Variants in SCN10A observed in about 807,000 individuals in gnomAD.
The protein encoded by SCN10A is sodium voltage-gated channel alpha subunit 10, also known as sodium channel protein type 10 subunit alpha.
In SCN10A, 162 loss-of-function variants were observed where a neutral mutation model predicts 170.7. The observed-to-expected ratio is 0.95, with a 90% CI of 0.84 to 1.08. SCN10A has a LOEUF of 1.08. SCN10A is among the 50% of genes least tolerant of loss of function. The pLI, the probability that SCN10A is intolerant of heterozygous loss-of-function variation, is 0.00. For synonymous variants in SCN10A, 985 were observed against 904.6 expected (o/e 1.09, Z -1.59); for missense variants, 2,527 against 2,436.9 (o/e 1.04, Z -0.78).
intron 1 of SCN10A, among the ~76,000 whole-genome samples, chr3:38,808,640 C>G (rs909060700): frequency 6.6e-6 from 1 of 152,168 alleles, no homozygotes; most frequent in African/African-American, 2.4e-5. Flanking sequence ...CATGAATGTG[C>G]ACTGTGACTG....
chr3:38,790,916 G>A (rs956456532), intron 3 of SCN10A, among the ~76,000 whole-genome samples: 32 of 152,112 alleles, frequency 2.1e-4, no homozygotes, highest in African/African-American at 7.7e-4. Context: ...ATTCAGCTCA[G>A]AAAACGTAAT....
intron 3 of SCN10A, among the ~76,000 whole-genome samples, chr3:38,789,791 G>A (rs930582660): frequency 5.3e-5 from 8 of 152,126 alleles, no homozygotes; most frequent in African/African-American, 1.9e-4. Context: ...TGAAAGGAAG[G>A]TGGGTGGAAG....
At chr3:38,732,327 C>T (rs369177599) in intron 15 of SCN10A, among the ~76,000 whole-genome samples, 5 of 152,228 alleles carry the variant, frequency 3.3e-5, no homozygotes, top group African/African-American at 1.2e-4. Flanking sequence ...TTTTTCTTTC[C>T]CTTTCATGTT....
intron 4 of SCN10A, among the ~76,000 whole-genome samples, chr3:38,772,718 CAACAACAAAAA>C (rs1367790479): frequency 4.0e-3 from 304 of 76,610 alleles, no homozygotes; most frequent in African/African-American, 0.013. Flanking sequence ...GCAACAACAA[CAACAACAAAAA>C]CAAAAACAAA....
chr3:38,704,041 T>C (rs2063184108), intron 26 of SCN10A, among the ~76,000 whole-genome samples: 1 of 152,168 alleles, frequency 6.6e-6, no homozygotes, highest in African/African-American at 2.4e-5. Context: ...GTACCAAGGG[T>C]ACATACTGAA....
chr3:38,708,358 C>T (rs1407365977), intron 25 of SCN10A, among the ~76,000 whole-genome samples: 1 of 152,114 alleles, frequency 6.6e-6, no homozygotes, highest in Non-Finnish European at 1.5e-5. Flanking sequence ...ATATCTCCCT[C>T]TGTAATCTGT....
chr3:38,725,136 C>G, intron 18 of SCN10A, 38 bp downstream of exon 18: 4 of 1,534,256 alleles, frequency 2.6e-6, no homozygotes, highest in Non-Finnish European at 3.6e-6. Context: ...CAGTGTCTGG[C>G]TGGCTGTCCA....
intron 2 of SCN10A, 135 bp downstream of exon 2, chr3:38,793,605 TA>T (rs1317355041): frequency 1.2e-4 from 87 of 712,930 alleles, no homozygotes; most frequent in Middle Eastern, 4.1e-4. Context: ...TATATATATA[TA>T]TTTTTTTTGG....
rs1414224252 is a variant in SCN10A, at chr3:38,697,258, C to T, written c.*91G>A. ...TGACCAGTGGCATGCATTGGTGAGG[C>T]TGTAGCTGGGTGTGATCTGCAATGG... On this transcript the variant is annotated 3_prime_UTR_variant, in exon 28 of 28. Coordinates refer to ENST00000449082, the MANE Select transcript of SCN10A (RefSeq NM_006514.4). 2 of 1,544,956 alleles carry T rather than the reference C, an allele frequency of 1.3e-6. No individual in the cohort carries two copies. The highest frequency in any genetic ancestry group is 1.7e-6 in the Non-Finnish European group (2 of 1,146,914).
At position 38,779,568 on chromosome 3, in the gene SCN10A, A is replaced by T. The variant is rs568953105; in HGVS notation, c.471-8161T>A. 9.9e-5 allele frequency among the ~76,000 whole-genome samples: 15 copies of T among 151,762 alleles called. No homozygotes were observed. In the South Asian group the frequency reaches 3.1e-3, roughly 32 times the overall value. Reference sequence around the variant, plus strand: ...TATTAACTTCTTTCTTTCATTTGTTATCCTTTTTCTAGTTTTGTTAGGTCT... The same window carrying T: ...TATTAACTTCTTTCTTTCATTTGTTTTCCTTTTTCTAGTTTTGTTAGGTCT... On this transcript the variant is annotated intron_variant, in intron 4 of 27. Transcript: ENST00000449082.
chr3:38,742,562 G>T (rs1207279104), intron 13 of SCN10A, 33 bp from the exon 14 acceptor site: 9 of 1,560,530 alleles, frequency 5.8e-6, no homozygotes, highest in Non-Finnish European at 7.1e-6. Flanking sequence ...ACAGCTGTCA[G>T]CCATGTGTCA....
At chr3:38,726,515 G>T in intron 17 of SCN10A, 91 bp downstream of exon 17, 1 of 1,028,958 alleles carries the variant, frequency 9.7e-7, no homozygotes, top group Non-Finnish European at 1.4e-6. Flanking sequence ...TTATGTCAAG[G>T]TCTCCTCTGC....
At chr3:38,803,590 A>T (rs2064386752) in intron 1 of SCN10A, among the ~76,000 whole-genome samples, 1 of 148,162 alleles carries the variant, frequency 6.7e-6, no homozygotes, top group African/African-American at 2.5e-5. Context: ...CATAGGTGGG[A>T]ATTGAAAAAT....
At chr3:38,774,328 A>T (rs1005810555) in intron 4 of SCN10A, among the ~76,000 whole-genome samples, 1 of 152,214 alleles carries the variant, frequency 6.6e-6, no homozygotes, top group Non-Finnish European at 1.5e-5. Context: ...CCCAGAAATT[A>T]TGGAGAGAGT....
rs2064347349 is a variant in SCN10A at position 38,797,477 on chromosome 3, C to T, written c.-32-3435G>A. Among the ~76,000 whole-genome samples the T allele has an allele frequency of 3.3e-5, 5 of 152,200 alleles. 1 individual carries two copies. In the South Asian group the frequency reaches 1.0e-3, roughly 31 times the overall value. ...TGTTTCTTACGGAACTTTTCAAAGTCAACCTACATTACATAATTGAACATC... is the reference window on the plus strand; with the variant it reads ...TGTTTCTTACGGAACTTTTCAAAGTTAACCTACATTACATAATTGAACATC... On this transcript the variant is annotated intron_variant, in intron 1 of 27. Coordinates refer to ENST00000449082, the MANE Select transcript of SCN10A (RefSeq NM_006514.4).
intron 21 of SCN10A, among the ~76,000 whole-genome samples, chr3:38,716,791 T>C (rs2063338718): frequency 6.6e-6 from 1 of 151,486 alleles, no homozygotes; most frequent in Non-Finnish European, 1.5e-5. Flanking sequence ...CTGGGTAAAA[T>C]GACTAATGCA....
At chr3:38,713,230 G>A (rs2063295234) in intron 22 of SCN10A, among the ~76,000 whole-genome samples, 2 of 152,270 alleles carry the variant, frequency 1.3e-5, no homozygotes, top group South Asian at 4.1e-4. Flanking sequence ...AAAATTTACA[G>A]GACCTGATGA....
chr3:38,723,752 A>C (rs2063421998), intron 18 of SCN10A, among the ~76,000 whole-genome samples, 199 bp from the exon 19 acceptor site: 1 of 152,202 alleles, frequency 6.6e-6, no homozygotes, highest in South Asian at 2.1e-4. Flanking sequence ...GAGTGCTGGC[A>C]ATGGCCCGAG....
chr3:38,804,165 C>T (rs986985148), intron 1 of SCN10A, among the ~76,000 whole-genome samples: 9 of 152,146 alleles, frequency 5.9e-5, no homozygotes, highest in Admixed American at 5.2e-4. Context: ...TCATTGGAAC[C>T]GAGTCTCACA....
Sources: gnomAD v4.1 joint callset for allele counts (sites outside exome capture counted in the v4.1 genomes callset) on GRCh38, gnomAD v4.1.1 for gene constraint, MANE v1.5 for transcripts, NCBI Gene and HGNC (gene_info 2026-07-23, HGNC 2026-07-21) for gene names.